USH2A: variants seen among roughly 807,000 people sequenced by gnomAD.
The protein encoded by USH2A is Usher syndrome 2A (autosomal recessive, mild).
Under a neutral mutation model 538.9 loss-of-function variants are expected in USH2A, and 443 were observed. That is an observed-to-expected ratio of 0.82 (90% confidence interval 0.76 to 0.89). The LOEUF is 0.89. Ranked by LOEUF, USH2A falls within the 40% of genes least tolerant of loss-of-function variation. The pLI, the probability that USH2A is intolerant of heterozygous loss-of-function variation, is 0.00. For synonymous variants in USH2A, 2,413 were observed against 2,273.5 expected (o/e 1.06, Z -1.75); for missense variants, 6,633 against 6,324.8 (o/e 1.05, Z -1.65).
intron 30 of USH2A, among the ~76,000 whole-genome samples, chr1:216,056,801 T>TGA (rs1170119846): frequency 1.3e-4 from 20 of 150,746 alleles, no homozygotes; most frequent in African/African-American, 4.7e-4. Context: ...TGTGTGTGTG[T>TGA]GTGAGAGAGA....
At chr1:216,390,095 G>GT (rs1436533327) in intron 3 of USH2A, among the ~76,000 whole-genome samples, 1 of 152,146 alleles carries the variant, frequency 6.6e-6, no homozygotes, top group Non-Finnish European at 1.5e-5. Flanking sequence ...TTCAGCATGA[G>GT]TTTTTGTCCT....
At chr1:216,348,278 C>G (rs114636026) in intron 4 of USH2A, among the ~76,000 whole-genome samples, 8,046 of 152,158 alleles carry the variant, frequency 0.053, 292 homozygotes, top group Middle Eastern at 0.11. Context: ...TTTACCAAGA[C>G]TTTCACTGGA....
At position 216,422,358 on chromosome 1, in the gene USH2A, T is replaced by G; in HGVS notation, c.-22A>C. On this transcript the variant is annotated 5_prime_UTR_variant, in exon 2 of 72. Coordinates refer to ENST00000307340, the MANE Select transcript of USH2A (RefSeq NM_206933.4). ...TCATGTTTACAAAAAAGCATTCTCCTCCTGATAAAGCATTTCTAAATAAAT... is the reference window on the plus strand; with the variant it reads ...TCATGTTTACAAAAAAGCATTCTCCGCCTGATAAAGCATTTCTAAATAAAT... 1.2e-6 allele frequency: 2 copies of G among 1,613,442 alleles called. No homozygotes were observed. The highest frequency in any genetic ancestry group is 1.7e-6 in the Non-Finnish European group (2 of 1,179,744).
intron 52 of USH2A, among the ~76,000 whole-genome samples, chr1:215,783,357 TA>T (rs923113864): frequency 2.0e-4 from 31 of 152,270 alleles, no homozygotes; most frequent in African/African-American, 7.5e-4. Flanking sequence ...TAATATTACT[TA>T]AAAAATTTTA....
intron 69 of USH2A, among the ~76,000 whole-genome samples, chr1:215,635,056 C>T (rs931169344): frequency 7.2e-5 from 11 of 152,132 alleles, no homozygotes; most frequent in Non-Finnish European, 7.3e-5. Context: ...AGCTGTGTGT[C>T]TTGGGAGCAA....
chr1:215,627,438 TTCCTTCCTTCCTTCCTTCC>T (rs1558027511), intron 71 of USH2A, among the ~76,000 whole-genome samples: 4 of 102,054 alleles, frequency 3.9e-5, no homozygotes, highest in Admixed American at 1.0e-4. Context: ...CCTTCCTTCC[TTCCTTCCTTCCTTCCTTCC>T]TTCCTTCCTT....
chr1:215,993,900 T>G (rs1668071261), intron 34 of USH2A, among the ~76,000 whole-genome samples: 1 of 152,178 alleles, frequency 6.6e-6, no homozygotes, highest in Non-Finnish European at 1.5e-5. Flanking sequence ...AACATGAATG[T>G]TACAGAAACT....
chr1:215,957,899 T>C (rs1431428513), intron 37 of USH2A, among the ~76,000 whole-genome samples: 1 of 152,068 alleles, frequency 6.6e-6, no homozygotes, highest in Non-Finnish European at 1.5e-5. Flanking sequence ...CTGGAACAAT[T>C]CCCCCACTGG....
At position 215,674,870 on chromosome 1, in the gene USH2A, G is replaced by A; in HGVS notation, c.13041C>T (p.Thr4347=). 1 of 1,614,126 alleles carries A rather than the reference G, an allele frequency of 6.2e-7. No individual in the cohort carries two copies. ...GAGCAGCCTCCAGAGTTGTGATGCT[G>A]GTGGGTTTGCTGGTGGAGCATCCTC... ...TSGGCSTSKP[T]SITTLEAAPS... is the part of the protein sequence containing the mutation. Residue 4347 remains threonine, a synonymous_variant, in exon 63 of 72, where the codon ACC becomes ACT. Coordinates refer to ENST00000307340, the MANE Select transcript of USH2A (RefSeq NM_206933.4).
Position 215,759,707 on chromosome 1 carries a change from G to A in USH2A, c.11184C>T (p.Gly3728=), listed in dbSNP as rs767204396. 10 of 1,613,904 alleles carry A rather than the reference G, an allele frequency of 6.2e-6. No individual in the cohort carries two copies. Among genetic ancestry groups the A allele is most frequent in the Non-Finnish European group, 8.5e-6 (10 of 1,179,914 alleles). The change falls in exon 57 of 72, where the codon GGC becomes GGT. Residue 3728 remains glycine (G), a synonymous_variant. Transcript: ENST00000307340. ...TATCAGTGAAATTCTGCTCCTCACT[G>A]CCACCCAGGAAAAGCAAGTTTCCAT... ...SRNGNLLFLG[G]SEEQNFTDKN...
intron 31 of USH2A, among the ~76,000 whole-genome samples, chr1:216,046,886 C>T (rs1455145364): frequency 2.0e-5 from 3 of 152,058 alleles, no homozygotes; most frequent in African/African-American, 7.2e-5. Context: ...TGGGACTGTA[C>T]CTATTAAAGC....
chr1:216,093,676 T>G (rs139606483), intron 22 of USH2A, among the ~76,000 whole-genome samples: 1 of 152,176 alleles, frequency 6.6e-6, no homozygotes. Flanking sequence ...GGGGAAATCA[T>G]TTTTGGATTA....
chr1:216,198,549 G>A lies in USH2A; in HGVS notation c.3847C>T (p.Leu1283=). 3 of 1,613,540 alleles carry A rather than the reference G, an allele frequency of 1.9e-6. No individual in the cohort carries two copies. The South Asian group carries it at 3.3e-5, about 18-fold the overall frequency. ...GATGTGGTTTCTTTAGTAGATCTCA[G>A]TCTTCTCATGTATAGTTCATATCTT... The part of the protein sequence containing the change: ...IIRYELYMRR[L]RSTKETTSEE... Residue 1283 remains leucine, a synonymous_variant, in exon 18 of 72, where the codon CTG becomes TTG. Transcript: ENST00000307340.
intron 30 of USH2A, among the ~76,000 whole-genome samples, chr1:216,054,942 C>A (rs1043608821): frequency 3.3e-5 from 5 of 152,210 alleles, no homozygotes; most frequent in Non-Finnish European, 5.9e-5. Flanking sequence ...CAGCAACTGT[C>A]TACCCTGAGT....
At chr1:216,024,344 C>G (rs1668913346) in intron 32 of USH2A, among the ~76,000 whole-genome samples, 1 of 151,928 alleles carries the variant, frequency 6.6e-6, no homozygotes, top group Non-Finnish European at 1.5e-5. Context: ...ACATCTATAC[C>G]TACAATTGTT....
intron 13 of USH2A, among the ~76,000 whole-genome samples, chr1:216,237,665 T>C (rs2035855915): frequency 6.6e-6 from 1 of 152,142 alleles, no homozygotes; most frequent in Non-Finnish European, 1.5e-5. Context: ...CTTAGAAATA[T>C]TGTGCATATT....
intron 38 of USH2A, among the ~76,000 whole-genome samples, chr1:215,901,651 A>G (rs1248133145): frequency 6.6e-6 from 1 of 152,136 alleles, no homozygotes; most frequent in Non-Finnish European, 1.5e-5. Context: ...TGCTTGGTAC[A>G]ATCTACCAGG....
At chr1:216,359,952 T>C (rs186798026) in intron 4 of USH2A, among the ~76,000 whole-genome samples, 1 of 152,134 alleles carries the variant, frequency 6.6e-6, no homozygotes, top group Non-Finnish European at 1.5e-5. Flanking sequence ...AGGGACTCTC[T>C]TTCATTGCTG....
intron 4 of USH2A, among the ~76,000 whole-genome samples, chr1:216,346,096 A>G (rs2038170789): frequency 6.6e-6 from 1 of 151,946 alleles, no homozygotes; most frequent in South Asian, 2.1e-4. Context: ...CTTCCCCTCA[A>G]TGGTCTGTCT....
Sources: gnomAD v4.1 joint callset for allele counts (sites outside exome capture counted in the v4.1 genomes callset) on GRCh38, gnomAD v4.1.1 for gene constraint, MANE v1.5 for transcripts, NCBI Gene and HGNC (gene_info 2026-07-23, HGNC 2026-07-21) for gene names.